The following TNS2 variants were observed in gnomAD, a reference collection of about 807,000 sequenced individuals.
TNS2 encodes tensin-2.
Under a neutral mutation model 155.7 loss-of-function variants are expected in TNS2, and 77 were observed. That is an observed-to-expected ratio of 0.49 (90% CI 0.41 to 0.60). The LOEUF (loss-of-function observed/expected upper bound fraction) is 0.60, where lower values mean the gene tolerates loss of function less well. Among genes scored for constraint, TNS2 ranks in the 20% least tolerant of loss-of-function variants. TNS2 has a pLI of 0.00. For missense variants in TNS2, 1,703 were observed against 1,868.8 expected (o/e 0.91, Z 1.64); for synonymous variants, 726 against 763.9 (o/e 0.95, Z 0.82).
At position 53,054,408 on chromosome 12, in the gene TNS2, T is replaced by G; in HGVS notation, c.489T>G (p.His163Gln). 2 of 1,606,282 alleles carry G rather than the reference T, an allele frequency of 1.2e-6. No individual in the cohort carries two copies. Among genetic ancestry groups the G allele is most frequent in the Non-Finnish European group, 1.7e-6 (2 of 1,178,130 alleles). Reference protein sequence around the residue: ...RHRGHLRELAHVLQSKHRDKY... With the variant: ...RHRGHLRELAQVLQSKHRDKY... ...GGGGCCACCTGCGCGAGCTGGCCCA[T>G]GTGCTGCAATCCAAGCACCGGGACA... The change falls in exon 7 of 29, where the codon CAT (histidine) becomes CAG (glutamine). Residue 163 changes from histidine to glutamine, a missense_variant. Coordinates refer to ENST00000314250, the MANE Select transcript of TNS2 (RefSeq NM_170754.4).
At chr12:53,049,906 A>C (rs1315501969), upstream of TNS2, 4 of 680,428 alleles carry the variant, frequency 5.9e-6, no homozygotes, top group African/African-American at 7.4e-5. Context: ...GGGGGAGCAA[A>C]AGATCACAGG....
At position 53,055,211 on chromosome 12, in the gene TNS2, A is replaced by G; in HGVS notation, c.548A>G (p.His183Arg). ...YLLFNLSEKR[H>R]DLTRLNPKVQ... is the part of the protein sequence containing the mutation. ...CTCTTCAACCTTTCAGAGAAAAGGCATGACCTGACCCGCTTAAACCCCAAG... is the reference window on the plus strand; with the variant it reads ...CTCTTCAACCTTTCAGAGAAAAGGCGTGACCTGACCCGCTTAAACCCCAAG... The change falls in exon 8 of 29, where the codon CAT becomes CGT. Residue 183 changes from histidine to arginine, a missense_variant. Coordinates refer to ENST00000314250, the MANE Select transcript of TNS2 (RefSeq NM_170754.4). 1 of 1,614,076 alleles carries G rather than the reference A, an allele frequency of 6.2e-7. No individual in the cohort carries two copies. Among genetic ancestry groups the G allele is most frequent in the Non-Finnish European group, 8.5e-7 (1 of 1,179,996 alleles).
At chr12:53,058,916 C>G in intron 17 of TNS2, 89 bp downstream of exon 17, 1 of 1,567,612 alleles carries the variant, frequency 6.4e-7, no homozygotes. Flanking sequence ...CCCTCCTCCC[C>G]AGGCAGAGCC....
intron 3 of TNS2, chr12:53,053,123 A>G (rs1944000657): frequency 4.5e-6 from 2 of 443,836 alleles, no homozygotes; most frequent in Non-Finnish European, 8.4e-6. Flanking sequence ...ATCCCTGGCC[A>G]TGGCCTGCCT....
At chr12:53,051,389 G>A (rs1431007822) in intron 1 of TNS2, among the ~76,000 whole-genome samples, 1 of 152,212 alleles carries the variant, frequency 6.6e-6, no homozygotes, top group South Asian at 2.1e-4. Flanking sequence ...AGCTAAAGGA[G>A]CAGGACTGGC....
At position 53,057,601 on chromosome 12, in the gene TNS2, T is replaced by G; in HGVS notation, c.880T>G (p.Ser294Ala). ...CTACTTCAGTGGGCTGCTATCTGGCTCCATCAGAATGAACAGCAGCCCTCT... is the reference window on the plus strand; with the variant it reads ...CTACTTCAGTGGGCTGCTATCTGGCGCCATCAGAATGAACAGCAGCCCTCT... ...ISYFSGLLSG[S>A]IRMNSSPLFL... The change falls in exon 12 of 29, where the codon TCC (serine) becomes GCC (alanine). Residue 294 changes from serine to alanine, a missense_variant. Coordinates refer to ENST00000314250, the MANE Select transcript of TNS2 (RefSeq NM_170754.4). 1 of 1,613,794 alleles carries G rather than the reference T, an allele frequency of 6.2e-7. No homozygotes were observed. The highest frequency in any genetic ancestry group is 8.5e-7 in the Non-Finnish European group (1 of 1,179,766).
chr12:53,055,805 A>G lies in TNS2; in HGVS notation c.721A>G (p.Ile241Val). The change falls in exon 10 of 29, where the codon ATC becomes GTC. Residue 241 changes from isoleucine (I) to valine (V), a missense_variant. Ile to Val is a conservative substitution (Grantham distance 29). Transcript: ENST00000314250. ...CKGNKGKLGVIVSAYMHYSKI... is the reference protein window; with the variant it reads ...CKGNKGKLGVVVSAYMHYSKI... ...GGGAAACAAGGGCAAGCTTGGGGTCATCGTTTCTGCCTACATGCACTACAG... is the reference window on the plus strand; with the variant it reads ...GGGAAACAAGGGCAAGCTTGGGGTCGTCGTTTCTGCCTACATGCACTACAG... 1 of 1,614,118 alleles carries G rather than the reference A, an allele frequency of 6.2e-7. No individual in the cohort carries two copies. Among genetic ancestry groups the G allele is most frequent in the Non-Finnish European group, 8.5e-7 (1 of 1,180,028 alleles).
rs1944357705 is a variant in TNS2 at position 53,060,876 on chromosome 12, G to T, written c.2970G>T (p.Arg990Ser). 1 of 1,590,370 alleles carries T rather than the reference G, an allele frequency of 6.3e-7. No individual in the cohort carries two copies. Among genetic ancestry groups the T allele is most frequent in the African/African-American group, 1.3e-5 (1 of 74,316 alleles). Residue 990 changes from arginine to serine, a missense_variant, in exon 20 of 29, where the codon AGG (arginine) becomes AGT (serine). Coordinates refer to ENST00000314250, the MANE Select transcript of TNS2 (RefSeq NM_170754.4). This position sits in a 1 kb window ranked among gnomAD's most constrained non-coding sequence, Gnocchi z 6.1. ...PSSPSDWPQE[R>S]SPGGHSDGAS... ...CGCCCAGTGACTGGCCTCAGGAAAG[G>T]AGTCCAGGGGGCCACTCAGATGGCG...
intron 7 of TNS2, among the ~76,000 whole-genome samples, 180 bp downstream of exon 7, chr12:53,054,621 C>A (rs962550111): frequency 6.6e-6 from 1 of 152,174 alleles, no homozygotes; most frequent in African/African-American, 2.4e-5. Context: ...GGAACGCTGG[C>A]GACTTGGCTG....
intron 8 of TNS2, 143 bp downstream of exon 8, chr12:53,055,379 G>A: frequency 8.6e-7 from 1 of 1,164,170 alleles, no homozygotes. Flanking sequence ...TATTACTGGA[G>A]ACACCCCAAA....
rs763774027 is a variant in TNS2 at position 53,062,602 on chromosome 12, G to A, written c.3746-18G>A. On this transcript the variant is annotated intron_variant, in intron 24 of 28. Transcript: ENST00000314250. Reference sequence around the variant, plus strand: ...ACTCTGCCTTCTGAGCTTCCCTGTCGGTTCTCATTGCCCTCAGATCCTCTG... The same window carrying A: ...ACTCTGCCTTCTGAGCTTCCCTGTCAGTTCTCATTGCCCTCAGATCCTCTG... 3.9e-5 allele frequency: 63 copies of A among 1,613,422 alleles called. No homozygotes were observed. The East Asian group carries it at 7.4e-4, about 19-fold the overall frequency.
At position 53,050,134 on chromosome 12, in the gene TNS2, G is replaced by T. The variant is rs1943873993; in HGVS notation, c.-52G>T. The T allele has an allele frequency of 1.3e-6, 2 of 1,590,458 alleles. No individual in the cohort carries two copies. The highest frequency in any genetic ancestry group is 1.8e-5 in the Admixed American group (1 of 56,830). On this transcript the variant is annotated 5_prime_UTR_variant, in exon 1 of 29. The change creates a new upstream start codon in the 5' untranslated region. Coordinates refer to ENST00000314250, the MANE Select transcript of TNS2 (RefSeq NM_170754.4). The surrounding 1 kb of genome is among the most constrained non-coding windows in gnomAD (Gnocchi z 4.7). Reference sequence around the variant, plus strand: ...GCCGCTTCCAGGAAGCCCCGGGCCAGGCCCCAGCATTGTTCAGGCCCTGGG... The same window carrying T: ...GCCGCTTCCAGGAAGCCCCGGGCCATGCCCCAGCATTGTTCAGGCCCTGGG...
intron 2 of TNS2, 176 bp downstream of exon 2, chr12:53,052,139 A>G: frequency 1.6e-6 from 1 of 618,112 alleles, no homozygotes; most frequent in Non-Finnish European, 2.8e-6. Flanking sequence ...CCCATGACAG[A>G]CACCTCCCAT....
chr12:53,057,512 C>A, intron 11 of TNS2, 55 bp from the exon 12 acceptor site: 2 of 1,311,768 alleles, frequency 1.5e-6, no homozygotes, highest in Non-Finnish European at 2.2e-6. Flanking sequence ...TGAAATGATA[C>A]AAGGTGACCT....
At chr12:53,048,859 AAGGG>A, upstream of TNS2, 1 of 271,290 alleles carries the variant, frequency 3.7e-6, no homozygotes, top group Non-Finnish European at 6.9e-6. Context: ...AAGCAAGTAG[AAGGG>A]ACTCCGTGGG....
rs2121177711 is a variant in TNS2, at chr12:53,062,958, A to G, written c.3824-131A>G. On this transcript the variant is annotated intron_variant, in intron 25 of 28. Transcript: ENST00000314250. ...ACTGTAGATCCAGTAGAGTCATGGA[A>G]TCTGCCTTTTTAACAAGTCACCTAT... 3 of 1,237,222 alleles carry G rather than the reference A, an allele frequency of 2.4e-6. No homozygotes were observed. The Admixed American group carries it at 7.4e-5, about 31-fold the overall frequency. The allele number at this position is 1,237,222 out of a possible 1,614,324, so 76.6% of individuals were successfully genotyped here. A position where few individuals can be genotyped will look rare whatever the true frequency, so the allele number is the denominator to read the frequency against.
chr12:53,057,879 C>T (rs1944216551), intron 13 of TNS2, 46 bp downstream of exon 13: 2 of 1,612,410 alleles, frequency 1.2e-6, no homozygotes, highest in Non-Finnish European at 1.7e-6. Context: ...GACCAGGGCC[C>T]CTCTTGCTCC....
At chr12:53,049,290 G>A, upstream of TNS2, 1 of 1,550,358 alleles carries the variant, frequency 6.5e-7, no homozygotes, top group Non-Finnish European at 8.8e-7. Flanking sequence ...GGAGGGTGCA[G>A]CCCTTGGGTA....
intron 8 of TNS2, 134 bp downstream of exon 8, chr12:53,055,370 A>T (rs1052077318): frequency 1.7e-6 from 2 of 1,169,252 alleles, no homozygotes; most frequent in Non-Finnish European, 2.5e-6. Flanking sequence ...CCCATGATAT[A>T]TTACTGGAGA....
Sources: allele counts gnomAD v4.1 joint callset (sites outside exome capture counted in the v4.1 genomes callset), GRCh38; gene constraint gnomAD v4.1.1; non-coding constraint Gnocchi (gnomAD v3.1); transcripts MANE v1.5; gene names NCBI Gene and HGNC (gene_info 2026-07-23, HGNC 2026-07-21).